The following SP4 variants were observed in gnomAD, a reference collection of about 807,000 sequenced individuals.
The protein encoded by SP4 is transcription factor Sp4.
SP4 carries 19 observed loss-of-function variants against 72.8 expected under a neutral mutation model. The ratio of observed to expected loss-of-function variants is 0.26; its 90% confidence interval spans 0.18 to 0.38. The LOEUF (loss-of-function observed/expected upper bound fraction) is 0.38. SP4 is among the 10% of genes least tolerant of loss of function. The pLI, the probability that SP4 is intolerant of heterozygous loss-of-function variation, is 1.00. For synonymous variants in SP4, 395 were observed against 333.1 expected (o/e 1.19, Z -2.02); for missense variants, 1,008 against 926.3 (o/e 1.09, Z -1.14).
chr7:21,491,592 C>T (rs900507925), intron 5 of SP4, among the ~76,000 whole-genome samples: 10 of 152,032 alleles, frequency 6.6e-5, no homozygotes, highest in African/African-American at 2.4e-4. Context: ...AAAACAATAT[C>T]ATATTGTAAT....
At chr7:21,444,929 T>G (rs182538671) in intron 3 of SP4, among the ~76,000 whole-genome samples, 2 of 152,292 alleles carry the variant, frequency 1.3e-5, no homozygotes, top group African/African-American at 4.8e-5. Context: ...AACAGATTCC[T>G]AGATCTTTAG....
At position 21,430,859 on chromosome 7, in the gene SP4, T is replaced by C. The variant is rs764294314; in HGVS notation, c.1678+16T>C. The C allele has an allele frequency of 2.6e-6, 4 of 1,540,508 alleles. No individual in the cohort carries two copies. The highest frequency in any genetic ancestry group is 1.2e-5 in the South Asian group (1 of 86,114). On this transcript the variant is annotated intron_variant, in intron 3 of 5. Coordinates refer to ENST00000222584, the MANE Select transcript of SP4 (RefSeq NM_003112.5). ...AGTGTTGCAGGTAAGTTCTGACATC[T>C]TTTTAAGTACCTTTTAAATAGTTTT...
chr7:21,510,845 A>G (rs1782122838), intron 5 of SP4, among the ~76,000 whole-genome samples, 177 bp from the exon 6 acceptor site: 1 of 152,230 alleles, frequency 6.6e-6, no homozygotes, highest in Non-Finnish European at 1.5e-5. Context: ...CGTCTCAATC[A>G]CATGGTCTTT....
chr7:21,505,684 G>T (rs1781977387), intron 5 of SP4, among the ~76,000 whole-genome samples: 1 of 110,722 alleles, frequency 9.0e-6, no homozygotes, highest in African/African-American at 2.6e-5. Flanking sequence ...AGGGTGTAGT[G>T]TTTAGTCACC....
At chr7:21,433,024 C>T (rs1782917698) in intron 3 of SP4, among the ~76,000 whole-genome samples, 1 of 152,158 alleles carries the variant, frequency 6.6e-6, no homozygotes, top group Admixed American at 6.5e-5. Flanking sequence ...GTTTGAGAAT[C>T]AAGTGTCTGG....
At chr7:21,484,008 A>G (rs1014773443) in intron 5 of SP4, among the ~76,000 whole-genome samples, 2 of 151,874 alleles carry the variant, frequency 1.3e-5, no homozygotes, top group Non-Finnish European at 2.9e-5. Context: ...TGAATATATT[A>G]CTTCATTTGA....
At position 21,428,179 on chromosome 7, in the gene SP4, T is replaced by TGCCCCCCCCCCCCCC; in HGVS notation, c.-73_-72insGCCCCCCCCCCCCCC. The TGCCCCCCCCCCCCCC allele has an allele frequency of 5.0e-6, 3 of 600,792 alleles. No homozygotes were observed. The highest frequency in any genetic ancestry group is 7.5e-5 in the East Asian group (2 of 26,624). The allele number at this position is 600,792 out of a possible 1,614,324, so 37.2% of individuals were successfully genotyped here. On this transcript the variant is annotated 5_prime_UTR_variant, in exon 1 of 6. Coordinates refer to ENST00000222584, the MANE Select transcript of SP4 (RefSeq NM_003112.5). ...GCGGGCGGGCGGGACCGGCCTCTCC[T>TGCCCCCCCCCCCCCC]CCCGCCTCGCCCCCACCCCCACCCA...
chr7:21,494,442 A>G (rs148876930), intron 5 of SP4, among the ~76,000 whole-genome samples: 1 of 152,352 alleles, frequency 6.6e-6, no homozygotes, highest in African/African-American at 2.4e-5. Flanking sequence ...TGCCAGATAC[A>G]GGATAAATGT....
At chr7:21,435,649 A>C (rs1447365106) in intron 3 of SP4, among the ~76,000 whole-genome samples, 1 of 152,050 alleles carries the variant, frequency 6.6e-6, no homozygotes, top group Middle Eastern at 3.2e-3. Flanking sequence ...AGTCAGATTT[A>C]CTCCAGTAAT....
chr7:21,475,619 A>G (rs563468233), intron 3 of SP4, among the ~76,000 whole-genome samples: 1 of 151,714 alleles, frequency 6.6e-6, no homozygotes, highest in Admixed American at 6.6e-5. Context: ...GCCCGCCACC[A>G]CGCCCGGCTA....
At chr7:21,448,840 G>C (rs1783502490) in intron 3 of SP4, among the ~76,000 whole-genome samples, 1 of 152,030 alleles carries the variant, frequency 6.6e-6, no homozygotes, top group African/African-American at 2.4e-5. Flanking sequence ...AACAATGCTG[G>C]TATATAGTGC....
At chr7:21,428,539 C>T in intron 1 of SP4, 138 bp from the exon 2 acceptor site, 1 of 976,710 alleles carries the variant, frequency 1.0e-6, no homozygotes. Context: ...TCCCCCACCC[C>T]CTGCCGGTGT....
intron 5 of SP4, among the ~76,000 whole-genome samples, chr7:21,504,873 C>G (rs1315838774): frequency 1.3e-5 from 2 of 152,124 alleles, no homozygotes; most frequent in Admixed American, 6.6e-5. Context: ...TTGGGCCACC[C>G]CTGAGAGACA....
At position 21,513,586 on chromosome 7, in the gene SP4, T is replaced by A. The variant is rs1377197555; in HGVS notation, c.*2317T>A. 1 of 152,582 alleles carries A rather than the reference T, an allele frequency of 6.6e-6. No individual in the cohort carries two copies. Among genetic ancestry groups the A allele is most frequent in the East Asian group, 1.9e-4 (1 of 5,200 alleles). The allele number at this position is 152,582 out of a possible 1,614,324, so 9.5% of individuals were successfully genotyped here. A position where few individuals can be genotyped will look rare whatever the true frequency, so the allele number is the denominator to read the frequency against. ...ATGCTACACAATCAGTGCTATAAAT[T>A]TTTTTATGCAAAGAAACTTTCTTAA... On this transcript the variant is annotated 3_prime_UTR_variant, in exon 6 of 6. Transcript: ENST00000222584.
At chr7:21,487,592 C>A (rs1347781853) in intron 5 of SP4, among the ~76,000 whole-genome samples, 1 of 151,920 alleles carries the variant, frequency 6.6e-6, no homozygotes, top group African/African-American at 2.4e-5. Context: ...ATTTTGTTCT[C>A]ATTGTATGGA....
At chr7:21,495,175 T>G (rs1207180754) in intron 5 of SP4, among the ~76,000 whole-genome samples, 3 of 152,196 alleles carry the variant, frequency 2.0e-5, no homozygotes, top group African/African-American at 7.2e-5. Context: ...TGAGATAGGC[T>G]ACGAGTGCTT....
At chr7:21,484,444 A>T (rs1036232701) in intron 5 of SP4, among the ~76,000 whole-genome samples, 2 of 151,902 alleles carry the variant, frequency 1.3e-5, no homozygotes, top group African/African-American at 4.8e-5. Flanking sequence ...TGGATTTTAG[A>T]TTTTTGTATT....
rs548039676 is a variant in SP4, at chr7:21,507,308, A to T, written c.2108-3714A>T. ...GCTAGGTGCCTGCTGTGTGGAAGGA[A>T]TAGGGAAGTTCTCAATATCCCTCTT... is the stretch of plus-strand genomic sequence containing the variant. On this transcript the variant is annotated intron_variant, in intron 5 of 5. Coordinates refer to ENST00000222584, the MANE Select transcript of SP4 (RefSeq NM_003112.5). Among the ~76,000 whole-genome samples the T allele has an allele frequency of 7.9e-5, 12 of 152,320 alleles. No individual in the cohort carries two copies. The East Asian group carries it at 2.1e-3, about 27-fold the overall frequency.
Position 21,477,127 on chromosome 7 carries a change from C to T in SP4, c.1727C>T (p.Ala576Val), listed in dbSNP as rs1784523382. The stretch of plus-strand genomic sequence containing the variant: ...GTAAAAGTCCAGCAAGCTACTATAG[C>T]TCCTGTAACTGTAGCAGTTGGAGGA... Reference protein sequence around the residue: ...DGVKVQQATIAPVTVAVGGIA... With the variant: ...DGVKVQQATIVPVTVAVGGIA... Residue 576 changes from alanine to valine, a missense_variant, in exon 4 of 6, where the codon GCT becomes GTT. Around this residue, in one of 3 missense-constraint regions of SP4, gnomAD observed 893 missense variants for 743.3 expected, o/e 1.20. Transcript: ENST00000222584. 2 of 1,614,062 alleles carry T rather than the reference C, an allele frequency of 1.2e-6. No homozygotes were observed. Among genetic ancestry groups the T allele is most frequent in the Non-Finnish European group, 1.7e-6 (2 of 1,179,970 alleles).
Sources: gnomAD v4.1 joint callset for allele counts (sites outside exome capture counted in the v4.1 genomes callset) on GRCh38, gnomAD v4.1.1 for gene constraint, gnomAD v4.1.1 regional missense constraint, MANE v1.5 for transcripts, NCBI Gene and HGNC (gene_info 2026-07-23, HGNC 2026-07-21) for gene names.